CEP85L: variants seen among roughly 807,000 people sequenced by gnomAD.
The protein encoded by CEP85L is centrosomal protein 85L, also known as centrosomal protein of 85 kDa-like.
In CEP85L, 60 loss-of-function variants were observed where a neutral mutation model predicts 100.3. The ratio of observed to expected loss-of-function variants is 0.60; its 90% CI spans 0.49 to 0.74. The LOEUF is 0.74. Among genes scored for constraint, CEP85L ranks in the 30% least tolerant of loss-of-function variants. The pLI is 0.00. For synonymous variants in CEP85L, 319 were observed against 322.7 expected (o/e 0.99, Z 0.12); for missense variants, 973 against 936.2 (o/e 1.04, Z -0.51).
chr6:118,672,071 C>T (rs1776323584), intron 1 of CEP85L, among the ~76,000 whole-genome samples: 1 of 152,174 alleles, frequency 6.6e-6, no homozygotes. Flanking sequence ...AGGGTTTCAT[C>T]TGTTGCCCAG....
chr6:118,485,566 G>A (rs938878683), intron 6 of CEP85L, among the ~76,000 whole-genome samples: 2 of 152,258 alleles, frequency 1.3e-5, no homozygotes, highest in East Asian at 3.9e-4. Context: ...TTTACCCTGT[G>A]ATCTATCAGA....
chr6:118,501,718 G>C (rs1175436511), intron 5 of CEP85L: 1 of 722,660 alleles, frequency 1.4e-6, no homozygotes, highest in East Asian at 2.9e-5. Flanking sequence ...GCCTGAAGCA[G>C]ACCACAGACT....
intron 1 of CEP85L, among the ~76,000 whole-genome samples, chr6:118,633,462 C>T (rs575921994): frequency 3.5e-4 from 53 of 152,272 alleles, no homozygotes; most frequent in African/African-American, 1.2e-3. Context: ...CCTCCGCCTC[C>T]CAAAGTGCTG....
chr6:118,518,983 T>C (rs1275059873), intron 4 of CEP85L, among the ~76,000 whole-genome samples: 1 of 152,214 alleles, frequency 6.6e-6, no homozygotes, highest in Admixed American at 6.5e-5. Context: ...TTAATTTCAT[T>C]ATTTACCCAG....
chr6:118,564,968 G>A (rs1779417725), intron 3 of CEP85L: 1 of 153,132 alleles, frequency 6.5e-6, no homozygotes, highest in Admixed American at 6.5e-5. Flanking sequence ...TCTATAAGCT[G>A]ATTAATGAAT....
chr6:118,591,162 A>G (rs999224161), intron 2 of CEP85L, among the ~76,000 whole-genome samples: 8 of 152,220 alleles, frequency 5.3e-5, no homozygotes, highest in African/African-American at 1.9e-4. Flanking sequence ...ATATGCCTCC[A>G]ACAATTTTAA....
At chr6:118,682,159 G>A (rs1009081533) in intron 1 of CEP85L, among the ~76,000 whole-genome samples, 1 of 152,082 alleles carries the variant, frequency 6.6e-6, no homozygotes, top group Non-Finnish European at 1.5e-5. Flanking sequence ...TATAAAGCCT[G>A]TATTGCACTT....
chr6:118,651,079 T>A (rs1343561850), intron 1 of CEP85L, 118 bp downstream of exon 1: 1 of 1,349,108 alleles, frequency 7.4e-7, no homozygotes, highest in African/African-American at 1.6e-5. Flanking sequence ...CGCGGCGGCG[T>A]CGGGGAGGCG....
At chr6:118,696,037 G>T (rs918494730) in intron 1 of CEP85L, among the ~76,000 whole-genome samples, 1 of 152,152 alleles carries the variant, frequency 6.6e-6, no homozygotes, top group Non-Finnish European at 1.5e-5. Context: ...TTGGGAGGCC[G>T]AGACAGGCGG....
chr6:118,631,161 T>TGG (rs1183221756), intron 2 of CEP85L, among the ~76,000 whole-genome samples: 1 of 152,192 alleles, frequency 6.6e-6, no homozygotes, highest in East Asian at 1.9e-4. Context: ...TGTGCATGTG[T>TGG]GGGGACAAGA....
At chr6:118,696,072 A>T (rs1179652712) in intron 1 of CEP85L, among the ~76,000 whole-genome samples, 1 of 152,166 alleles carries the variant, frequency 6.6e-6, no homozygotes, top group East Asian at 1.9e-4. Flanking sequence ...CGAGTTCGAG[A>T]CCAGCCTAGC....
chr6:118,686,692 C>T (rs1229815111), intron 1 of CEP85L, among the ~76,000 whole-genome samples: 1 of 152,164 alleles, frequency 6.6e-6, no homozygotes, highest in African/African-American at 2.4e-5. Context: ...GTGTTGAGGT[C>T]TTTGTGTGGA....
At chr6:118,470,747 C>A (rs41291938) in intron 10 of CEP85L, 103 bp from the exon 11 acceptor site, 3 of 543,016 alleles carry the variant, frequency 5.5e-6, no homozygotes, top group Non-Finnish European at 9.4e-6. Flanking sequence ...TTTAAATCTT[C>A]TTTCCTCCCC....
chr6:118,535,303 G>C (rs1187294031), intron 3 of CEP85L, among the ~76,000 whole-genome samples: 1 of 152,252 alleles, frequency 6.6e-6, no homozygotes, highest in East Asian at 1.9e-4. Flanking sequence ...TCAACTATCT[G>C]ATTCTATACA....
chr6:118,662,113 G>A (rs1304130843), intron 1 of CEP85L, among the ~76,000 whole-genome samples: 3 of 152,086 alleles, frequency 2.0e-5, no homozygotes, highest in African/African-American at 7.2e-5. Context: ...TAAGAAAAGG[G>A]GCGAATAATT....
At position 118,487,200 on chromosome 6, in the gene CEP85L, T is replaced by G. The variant is rs1774246432; in HGVS notation, c.1438-3342A>C. ...AGTATTTACCATGCAAAAAGGCCAC[T>G]CTGTGTAAAGATCCTGATACCAGAA... On this transcript the variant is annotated intron_variant, in intron 6 of 12. Coordinates refer to ENST00000368491, the MANE Select transcript of CEP85L (RefSeq NM_001042475.3). 2.0e-5 allele frequency among the ~76,000 whole-genome samples: 3 copies of G among 152,192 alleles called. No homozygotes were observed. The South Asian group carries it at 6.2e-4, about 32-fold the overall frequency.
chr6:118,517,191 T>C (rs557120057), intron 4 of CEP85L, among the ~76,000 whole-genome samples: 1 of 152,338 alleles, frequency 6.6e-6, no homozygotes, highest in East Asian at 1.9e-4. Flanking sequence ...CCTCCAGCTT[T>C]GTTCTTTTTG....
chr6:118,695,635 C>T (rs74324919), intron 1 of CEP85L, among the ~76,000 whole-genome samples: 5,924 of 152,268 alleles, frequency 0.039, 183 homozygotes, highest in Middle Eastern at 0.12. Context: ...ATAACACATT[C>T]TACAGGACAG....
chr6:118,588,606 C>G (rs567832665), intron 2 of CEP85L, among the ~76,000 whole-genome samples: 10 of 152,324 alleles, frequency 6.6e-5, no homozygotes, highest in African/African-American at 2.4e-4. Flanking sequence ...ACTACAATCC[C>G]TCTTTAATGA....
Sources: gnomAD v4.1 joint callset for allele counts (sites outside exome capture counted in the v4.1 genomes callset) on GRCh38, gnomAD v4.1.1 for gene constraint, MANE v1.5 for transcripts, NCBI Gene and HGNC (gene_info 2026-07-23, HGNC 2026-07-21) for gene names.